Variants in CNTNAP5 observed in about 807,000 individuals in gnomAD.
The protein encoded by CNTNAP5 is contactin-associated protein-like 5.
Under a neutral mutation model 150.2 loss-of-function variants are expected in CNTNAP5, and 72 were observed. That is an observed-to-expected ratio of 0.48 (90% CI 0.40 to 0.58). The LOEUF (loss-of-function observed/expected upper bound fraction) is 0.58. Among genes scored for constraint, CNTNAP5 ranks in the 20% least tolerant of loss-of-function variants. CNTNAP5 has a pLI of 0.00. For missense variants in CNTNAP5, 1,636 were observed against 1,626.2 expected (o/e 1.01, Z -0.10); for synonymous variants, 672 against 619.8 (o/e 1.08, Z -1.25).
chr2:124,685,246 T>C (rs1679164485), intron 13 of CNTNAP5, among the ~76,000 whole-genome samples: 1 of 152,168 alleles, frequency 6.6e-6, no homozygotes. Context: ...CCTTCTCATA[T>C]AAATTAAAGA....
chr2:124,693,099 C>T (rs576740127), intron 13 of CNTNAP5, among the ~76,000 whole-genome samples: 2 of 152,130 alleles, frequency 1.3e-5, no homozygotes, highest in East Asian at 3.9e-4. Flanking sequence ...GTGTGAGTTT[C>T]AGAGACACAC....
intron 3 of CNTNAP5, among the ~76,000 whole-genome samples, chr2:124,401,078 G>T (rs1345406689): frequency 1.3e-5 from 2 of 152,014 alleles, no homozygotes; most frequent in Non-Finnish European, 2.9e-5. Context: ...TGTTGGCCAG[G>T]CTGTCTCACA....
chr2:124,888,419 T>C (rs1678125488), intron 21 of CNTNAP5, among the ~76,000 whole-genome samples: 1 of 152,164 alleles, frequency 6.6e-6, no homozygotes, highest in South Asian at 2.1e-4. Flanking sequence ...TGAGCACATG[T>C]GTCTTTTTGG....
At chr2:124,398,359 G>A (rs1253377931) in intron 3 of CNTNAP5, among the ~76,000 whole-genome samples, 1 of 152,180 alleles carries the variant, frequency 6.6e-6, no homozygotes, top group Non-Finnish European at 1.5e-5. Flanking sequence ...TTAGTTCCCT[G>A]TTGCCTTTGG....
At chr2:124,685,613 T>C (rs982828900) in intron 13 of CNTNAP5, among the ~76,000 whole-genome samples, 5 of 152,142 alleles carry the variant, frequency 3.3e-5, no homozygotes, top group African/African-American at 1.2e-4. Context: ...GTAGAGCAAA[T>C]TGTACTGCTT....
At chr2:124,791,472 G>A (rs560868674) in intron 18 of CNTNAP5, among the ~76,000 whole-genome samples, 2 of 152,256 alleles carry the variant, frequency 1.3e-5, no homozygotes, top group South Asian at 4.2e-4. Context: ...CTTCCCCTGA[G>A]AAGTGTGAAT....
chr2:124,163,471 ATGGGG>A lies in CNTNAP5; in HGVS notation c.83-58233_83-58229del, dbSNP rs1463005766. ...ATTAGCATGCTTTGAGGAGTCAGGC[ATGGGG>A]GTGTGAATCTGATCTACATGAAGAT... is the stretch of plus-strand genomic sequence containing the variant. On this transcript the variant is annotated intron_variant, in intron 1 of 23. Transcript: ENST00000682447. 2.0e-5 allele frequency among the ~76,000 whole-genome samples: 3 copies of A among 152,164 alleles called. No individual in the cohort carries two copies. The East Asian group carries it at 5.8e-4, about 29-fold the overall frequency.
intron 13 of CNTNAP5, among the ~76,000 whole-genome samples, chr2:124,713,143 C>T (rs1416484619): frequency 6.6e-6 from 1 of 151,030 alleles, no homozygotes; most frequent in Non-Finnish European, 1.5e-5. Context: ...TTTCTTCCTT[C>T]CTTCCTTCCT....
rs571481373 is a variant in CNTNAP5 at position 124,802,853 on chromosome 2, G to A, written c.3217+4533G>A. Among the ~76,000 whole-genome samples the A allele has an allele frequency of 4.5e-4, 68 of 152,260 alleles. No individual in the cohort carries two copies. The South Asian group carries it at 0.013, about 30-fold the overall frequency. ...TTAAGAAATCTAACTGGCCAGGCGC[G>A]GTGGCTCACACCTGTAATCCCAGCA... On this transcript the variant is annotated intron_variant, in intron 19 of 23. Coordinates refer to ENST00000682447, the MANE Select transcript of CNTNAP5 (RefSeq NM_001367498.1).
intron 3 of CNTNAP5, among the ~76,000 whole-genome samples, chr2:124,354,347 C>G (rs1438197603): frequency 1.3e-5 from 2 of 152,084 alleles, no homozygotes; most frequent in Non-Finnish European, 2.9e-5. Context: ...GTAATGTCTA[C>G]TGACAAATCT....
intron 1 of CNTNAP5, among the ~76,000 whole-genome samples, chr2:124,122,851 A>G (rs1177249028): frequency 6.6e-6 from 1 of 151,850 alleles, no homozygotes; most frequent in African/African-American, 2.4e-5. Context: ...GGGCTCTTTG[A>G]CACCCATGTC....
chr2:124,600,023 C>T (rs535912792), intron 11 of CNTNAP5, among the ~76,000 whole-genome samples: 1 of 151,998 alleles, frequency 6.6e-6, no homozygotes, highest in Admixed American at 6.6e-5. Context: ...AGTGCATTCT[C>T]AATAAACGTG....
intron 19 of CNTNAP5, among the ~76,000 whole-genome samples, chr2:124,838,427 T>C (rs1052981415): frequency 6.6e-6 from 1 of 152,150 alleles, no homozygotes; most frequent in Non-Finnish European, 1.5e-5. Flanking sequence ...AGATTTGAAC[T>C]GGGCCACTAT....
At chr2:124,105,825 ATTT>A (rs1358980659) in intron 1 of CNTNAP5, among the ~76,000 whole-genome samples, 1 of 151,676 alleles carries the variant, frequency 6.6e-6, no homozygotes, top group Non-Finnish European at 1.5e-5. Flanking sequence ...TGTCTGCATT[ATTT>A]CCATGTTTGA....
rs1475150671 is a variant in CNTNAP5, at chr2:124,713,213, T to TTCTC, written c.2078-34014_2078-34011dup. On this transcript the variant is annotated intron_variant, in intron 13 of 23. Coordinates refer to ENST00000682447, the MANE Select transcript of CNTNAP5 (RefSeq NM_001367498.1). The stretch of plus-strand genomic sequence containing the variant: ...TTCCTTCCTCCCTCCCTTCCTTTCT[T>TTCTC]TCTCTGTTTCTTTCTTTCTTTCTTT... Among the ~76,000 whole-genome samples, 131 of 121,302 alleles carry TTCTC rather than the reference T, an allele frequency of 1.1e-3. 5 individuals are homozygous for TTCTC. The highest frequency in any genetic ancestry group is 4.0e-3 in the African/African-American group (130 of 32,508). 79.6% of individuals were successfully genotyped at this position (121,302 alleles called of 152,430 possible). A position where few individuals can be genotyped will look rare whatever the true frequency, so the allele number is the denominator to read the frequency against.
intron 13 of CNTNAP5, among the ~76,000 whole-genome samples, chr2:124,669,908 C>T (rs1046366439): frequency 4.6e-5 from 7 of 152,146 alleles, no homozygotes; most frequent in Admixed American, 2.6e-4. Flanking sequence ...TTGATTACTA[C>T]GATTGCTTCT....
intron 7 of CNTNAP5, among the ~76,000 whole-genome samples, chr2:124,478,557 G>T (rs1340033013): frequency 6.6e-6 from 1 of 151,950 alleles, no homozygotes; most frequent in Non-Finnish European, 1.5e-5. Context: ...TATATACCTA[G>T]TCTATCTCCT....
At chr2:124,093,380 G>A (rs189124940) in intron 1 of CNTNAP5, among the ~76,000 whole-genome samples, 1 of 152,312 alleles carries the variant, frequency 6.6e-6, no homozygotes, top group Non-Finnish European at 1.5e-5. Context: ...AATTCAATGA[G>A]CAGTTACTAT....
intron 11 of CNTNAP5, among the ~76,000 whole-genome samples, chr2:124,580,614 C>T (rs1346582165): frequency 6.6e-6 from 1 of 152,174 alleles, no homozygotes; most frequent in East Asian, 1.9e-4. Flanking sequence ...AAGTGCTTGG[C>T]CCCCTCCTCC....
Sources: allele counts gnomAD v4.1 joint callset (sites outside exome capture counted in the v4.1 genomes callset), GRCh38; gene constraint gnomAD v4.1.1; transcripts MANE v1.5; gene names NCBI Gene and HGNC (gene_info 2026-07-23, HGNC 2026-07-21).